The following ANKRD30BL variants were observed in gnomAD, a reference collection of about 807,000 sequenced individuals.
ANKRD30BL encodes putative ankyrin repeat domain-containing protein 30B-like.
Under a neutral mutation model 18.4 loss-of-function variants are expected in ANKRD30BL, and 20 were observed. The observed-to-expected ratio is 1.09, with a 90% CI of 0.77 to 1.58. The LOEUF (loss-of-function observed/expected upper bound fraction) is 1.58, where lower values mean the gene tolerates loss of function less well. Ranked by LOEUF, ANKRD30BL falls within the 40% of genes most tolerant of loss-of-function variation. The pLI, the probability that ANKRD30BL is intolerant of heterozygous loss-of-function variation, is 0.00. For synonymous variants in ANKRD30BL, 72 were observed against 100.9 expected (o/e 0.71, Z 1.72); for missense variants, 224 against 268.6 (o/e 0.83, Z 1.16).
At position 132,199,516 on chromosome 2, in the gene ANKRD30BL, A is replaced by G. The variant is rs970658311; in HGVS notation, n.442-42370T>C. 4.1e-5 allele frequency among the ~76,000 whole-genome samples: 6 copies of G among 147,144 alleles called. No individual in the cohort carries two copies. In the Admixed American group the frequency reaches 4.1e-4, roughly 10 times the overall value. ...CTTTCTTTTCTTTTCTTTTTTTTTT[A>G]TTTTTTGTTTGAGACAGTCTCGCTC... On this transcript the variant is annotated intron_variant and non_coding_transcript_variant, in intron 1 of 4. Coordinates refer to the ANKRD30BL transcript ENST00000470729.
chr2:132,230,499 T>G (rs1265031252), intron 1 of ANKRD30BL, among the ~76,000 whole-genome samples: 7 of 152,108 alleles, frequency 4.6e-5, no homozygotes, highest in Non-Finnish European at 1.0e-4. Flanking sequence ...GACAGAAGCA[T>G]TCTCAGAAAC....
At chr2:132,189,481 A>G (rs1003989289) in intron 1 of ANKRD30BL, among the ~76,000 whole-genome samples, 29 of 151,604 alleles carry the variant, frequency 1.9e-4, no homozygotes, top group African/African-American at 7.0e-4. Context: ...GCACTGTAAT[A>G]TGGCTTTTGG....
At chr2:132,193,831 T>C (rs1251796140) in intron 1 of ANKRD30BL, among the ~76,000 whole-genome samples, 1 of 151,524 alleles carries the variant, frequency 6.6e-6, no homozygotes, top group African/African-American at 2.4e-5. Flanking sequence ...CAGGTTTTCC[T>C]GTGCTTCTCA....
In ANKRD30BL at chr2:132,169,644, T is replaced by TAAAAA. The variant is rs60507906; in HGVS notation, n.442-12503_442-12499dup. Among the ~76,000 whole-genome samples, 13 of 90,874 alleles carry TAAAAA rather than the reference T, an allele frequency of 1.4e-4. 1 individual carries two copies. Among genetic ancestry groups the TAAAAA allele is most frequent in the Admixed American group, 7.2e-4 (5 of 6,930 alleles). 59.6% of individuals were successfully genotyped at this position (90,874 alleles called of 152,430 possible). On this transcript the variant is annotated intron_variant and non_coding_transcript_variant, in intron 1 of 4. Transcript: ENST00000470729. Reference sequence around the variant, plus strand: ...CCTGGTGACACAGGGATACTCTGTCTAAAAAAAAAAAAAAAAAAAAAAAAG... The same window carrying TAAAAA: ...CCTGGTGACACAGGGATACTCTGTCTAAAAAAAAAAAAAAAAAAAAAAAAAAAAAG...
chr2:132,213,064 T>C (rs978469407), intron 1 of ANKRD30BL, among the ~76,000 whole-genome samples: 1 of 151,868 alleles, frequency 6.6e-6, no homozygotes, highest in African/African-American at 2.4e-5. Context: ...TAACTTTCAA[T>C]TGAGCAGTTT....
intron 1 of ANKRD30BL, among the ~76,000 whole-genome samples, chr2:132,243,694 T>A (rs1258130661): frequency 2.0e-5 from 3 of 151,682 alleles, no homozygotes; most frequent in Non-Finnish European, 4.4e-5. Context: ...CAAGTGGATA[T>A]TTTGACTGCT....
upstream of ANKRD30BL, among the ~76,000 whole-genome samples, chr2:132,165,679 A>G (rs1362201411): frequency 1.3e-5 from 2 of 151,226 alleles, no homozygotes; most frequent in African/African-American, 4.9e-5. Flanking sequence ...CTTCTATTGC[A>G]CCACTGCACT....
intron 1 of ANKRD30BL, among the ~76,000 whole-genome samples, chr2:132,239,276 T>G (rs1680246876): frequency 6.6e-6 from 1 of 151,944 alleles, no homozygotes; most frequent in East Asian, 1.9e-4. Flanking sequence ...GCTTTGAGGA[T>G]TTCGTTGGAA....
chr2:132,160,627 A>C (rs1688030608), intron 1 of ANKRD30BL, among the ~76,000 whole-genome samples: 2 of 148,480 alleles, frequency 1.3e-5, no homozygotes, highest in African/African-American at 5.0e-5. Context: ...TTTAGTAGAG[A>C]CCGTGTTAGC....
chr2:132,212,007 A>G (rs1435107514), intron 1 of ANKRD30BL, among the ~76,000 whole-genome samples: 1 of 151,986 alleles, frequency 6.6e-6, no homozygotes, highest in African/African-American at 2.4e-5. Flanking sequence ...GCAGTTTGGA[A>G]ACACTCTTTT....
At chr2:132,257,421 G>T in intron 1 of ANKRD30BL, 1 of 326,534 alleles carries the variant, frequency 3.1e-6, no homozygotes, top group Non-Finnish European at 5.9e-6. Context: ...GGCCCGGCGG[G>T]ATTCTCCCCT....
At chr2:132,173,241 T>C (rs1232129640) in intron 1 of ANKRD30BL, among the ~76,000 whole-genome samples, 1 of 152,050 alleles carries the variant, frequency 6.6e-6, no homozygotes, top group African/African-American at 2.4e-5. Flanking sequence ...AAACTTTATA[T>C]TTTGCCTGTG....
chr2:132,167,284 T>A (rs1320173681), intron 1 of ANKRD30BL, among the ~76,000 whole-genome samples: 17 of 62,106 alleles, frequency 2.7e-4, no homozygotes, highest in African/African-American at 2.3e-3. Flanking sequence ...ATTTTTATTT[T>A]ATTTTATTTT....
chr2:132,247,215 A>G (rs889591898), intron 1 of ANKRD30BL, among the ~76,000 whole-genome samples: 15 of 152,010 alleles, frequency 9.9e-5, no homozygotes, highest in African/African-American at 3.6e-4. Context: ...CAACTCACAG[A>G]GTTGAACATT....
In ANKRD30BL at chr2:132,252,520, T is replaced by C. The variant is rs552455296; in HGVS notation, n.441+5009A>G. Among the ~76,000 whole-genome samples the C allele has an allele frequency of 2.9e-3, 314 of 107,408 alleles. 1 individual carries two copies. The highest frequency in any genetic ancestry group is 0.01 in the African/African-American group (294 of 28,094). 70.5% of individuals were successfully genotyped at this position (107,408 alleles called of 152,430 possible). On this transcript the variant is annotated intron_variant and non_coding_transcript_variant, in intron 1 of 4. Coordinates refer to the ANKRD30BL transcript ENST00000470729. ...CAGGCTTCCAGCCCCAGACACACCGTGACGTGCCGGGCGGGTGGGGGGCAG... is the reference window on the plus strand; with the variant it reads ...CAGGCTTCCAGCCCCAGACACACCGCGACGTGCCGGGCGGGTGGGGGGCAG...
chr2:132,166,841 T>C (rs543595153), upstream of ANKRD30BL, among the ~76,000 whole-genome samples: 43 of 152,210 alleles, frequency 2.8e-4, no homozygotes, highest in Non-Finnish European at 5.7e-4. Flanking sequence ...CCTTGTTATT[T>C]ACTTTGGATT....
intron 1 of ANKRD30BL, among the ~76,000 whole-genome samples, chr2:132,221,604 GC>G (rs1347203898): frequency 1.6e-5 from 2 of 128,596 alleles, no homozygotes; most frequent in Non-Finnish European, 3.2e-5. Context: ...GGGGGGATCA[GC>G]CCCCCGCCCG....
chr2:132,232,588 A>G (rs566932239), intron 1 of ANKRD30BL, among the ~76,000 whole-genome samples: 1 of 152,190 alleles, frequency 6.6e-6, no homozygotes. Context: ...GGTATCAGCA[A>G]TGGAAGATGA....
chr2:132,208,379 T>G (rs13429465), intron 1 of ANKRD30BL, among the ~76,000 whole-genome samples: 16,882 of 151,886 alleles, frequency 0.11, 3,118 homozygotes, highest in African/African-American at 0.39. Flanking sequence ...CTCCCTGAAG[T>G]TAGGAAACCC....
Sources: gnomAD v4.1 joint callset for allele counts (sites outside exome capture counted in the v4.1 genomes callset) on GRCh38, gnomAD v4.1.1 for gene constraint, MANE v1.5 for transcripts, NCBI Gene and HGNC (gene_info 2026-07-23, HGNC 2026-07-21) for gene names.